The following PTPRD variants were observed in gnomAD, a reference collection of about 807,000 sequenced individuals.
The protein encoded by PTPRD is protein tyrosine phosphatase receptor type D.
A neutral mutation model predicts 214.5 loss-of-function variants in PTPRD; 34 were observed. The ratio of observed to expected loss-of-function variants is 0.16; its 90% CI spans 0.12 to 0.21. PTPRD has a LOEUF of 0.21. Ranked by LOEUF, PTPRD falls within the 10% of genes least tolerant of loss-of-function variation. The pLI is 1.00. For missense variants in PTPRD, 2,545 were observed against 2,398.7 expected, an observed-to-expected ratio of 1.06 and a Z score of -1.27; for synonymous variants, 1,128 against 845.7, an observed-to-expected ratio of 1.33 and a Z score of -5.79.
At chr9:9,083,573 G>A (rs2099762342) in intron 10 of PTPRD, among the ~76,000 whole-genome samples, 1 of 152,092 alleles carries the variant, frequency 6.6e-6, no homozygotes. Flanking sequence ...AAGCTAAAGA[G>A]CTTTTGCACA....
chr9:9,506,465 G>T (rs2096573669), intron 8 of PTPRD, among the ~76,000 whole-genome samples: 1 of 151,328 alleles, frequency 6.6e-6, no homozygotes, highest in African/African-American at 2.4e-5. Context: ...CTGCCTTTTT[G>T]TCCTTCCAGA....
Position 8,797,662 on chromosome 9 carries a change from G to T in PTPRD, c.-103-63716C>A, listed in dbSNP as rs1006877506. ...GCTCTATCTCATCCACCAACTACAT[G>T]TGATTTTCCTGTCACTGATCTCACC... On this transcript the variant is annotated intron_variant, in intron 11 of 45. Coordinates refer to ENST00000381196, the MANE Select transcript of PTPRD (RefSeq NM_002839.4). Among the ~76,000 whole-genome samples, 5 of 152,212 alleles carry T rather than the reference G, an allele frequency of 3.3e-5. No individual in the cohort carries two copies. The East Asian group carries it at 9.7e-4, about 29-fold the overall frequency.
chr9:8,438,275 C>G (rs1564811041), intron 34 of PTPRD, among the ~76,000 whole-genome samples: 1 of 152,140 alleles, frequency 6.6e-6, no homozygotes, highest in Non-Finnish European at 1.5e-5. Context: ...AAAAGCTACC[C>G]TGCTTTTTGA....
intron 11 of PTPRD, among the ~76,000 whole-genome samples, chr9:8,781,177 G>C (rs770720102): frequency 6.6e-6 from 1 of 152,138 alleles, no homozygotes; most frequent in Admixed American, 6.5e-5. Flanking sequence ...CAAGACTGAA[G>C]GAATGATACA....
intron 7 of PTPRD, among the ~76,000 whole-genome samples, chr9:9,628,944 C>A (rs910151732): frequency 1.3e-5 from 2 of 151,688 alleles, no homozygotes; most frequent in African/African-American, 2.4e-5. Flanking sequence ...GAGGCCGAGG[C>A]GGGCAGATCA....
At chr9:10,604,993 C>T (rs926064899) in intron 2 of PTPRD, among the ~76,000 whole-genome samples, 10 of 151,786 alleles carry the variant, frequency 6.6e-5, no homozygotes, top group Non-Finnish European at 1.0e-4. Flanking sequence ...ACTCTTCAAA[C>T]TTAAGTCATA....
chr9:8,908,474 C>T (rs1202603839), intron 11 of PTPRD, among the ~76,000 whole-genome samples: 1 of 151,890 alleles, frequency 6.6e-6, no homozygotes, highest in African/African-American at 2.4e-5. Flanking sequence ...AGAAATTAAA[C>T]AGCACATTTT....
intron 44 of PTPRD, among the ~76,000 whole-genome samples, chr9:8,328,052 C>T (rs1587664631): frequency 6.6e-6 from 1 of 152,106 alleles, no homozygotes; most frequent in South Asian, 2.1e-4. Context: ...TGAATTTGAT[C>T]CTGTCATTAT....
At chr9:9,844,325 C>T (rs1432225651) in intron 5 of PTPRD, among the ~76,000 whole-genome samples, 1 of 151,826 alleles carries the variant, frequency 6.6e-6, no homozygotes, top group African/African-American at 2.4e-5. Flanking sequence ...AGACATCATG[C>T]TAAGTGAAAT....
intron 3 of PTPRD, among the ~76,000 whole-genome samples, chr9:10,079,844 G>C (rs10511532): frequency 0.027 from 4,175 of 151,938 alleles, 190 homozygotes; most frequent in East Asian, 0.17. Flanking sequence ...TAAAGGATAT[G>C]AAGTGCACAT....
chr9:8,354,820 G>A (rs968785886), intron 39 of PTPRD, among the ~76,000 whole-genome samples: 4 of 152,150 alleles, frequency 2.6e-5, no homozygotes, highest in African/African-American at 9.7e-5. Flanking sequence ...TGGACCCAAG[G>A]TCCACGATTC....
chr9:8,754,124 G>A (rs977214403), intron 11 of PTPRD, among the ~76,000 whole-genome samples: 5 of 151,928 alleles, frequency 3.3e-5, no homozygotes, highest in Non-Finnish European at 5.9e-5. Flanking sequence ...CAGCCTGGGT[G>A]ACAGAGCGAG....
chr9:8,431,418 G>A (rs903628651), intron 35 of PTPRD, among the ~76,000 whole-genome samples: 4 of 152,042 alleles, frequency 2.6e-5, no homozygotes, highest in Non-Finnish European at 5.9e-5. Context: ...AGTTCTTAAT[G>A]TGTACCTTTA....
At chr9:9,943,029 G>T (rs916948427) in intron 4 of PTPRD, among the ~76,000 whole-genome samples, 1 of 151,812 alleles carries the variant, frequency 6.6e-6, no homozygotes, top group African/African-American at 2.4e-5. Context: ...GCACTAACTC[G>T]GGGCAAAAGC....
chr9:10,365,158 T>C (rs936054936), intron 2 of PTPRD, among the ~76,000 whole-genome samples: 1 of 152,208 alleles, frequency 6.6e-6, no homozygotes, highest in African/African-American at 2.4e-5. Flanking sequence ...GACTTTCTCA[T>C]GGCTCCCAGT....
At chr9:9,752,701 A>G (rs2098532481) in intron 6 of PTPRD, among the ~76,000 whole-genome samples, 5 of 151,990 alleles carry the variant, frequency 3.3e-5, no homozygotes, top group Admixed American at 3.3e-4. Context: ...TGCAGTGGGG[A>G]CGGAGGGCAA....
At chr9:8,686,053 G>T (rs2097674769) in intron 12 of PTPRD, among the ~76,000 whole-genome samples, 1 of 152,044 alleles carries the variant, frequency 6.6e-6, no homozygotes, top group Non-Finnish European at 1.5e-5. Flanking sequence ...CTCTCCTAAG[G>T]GAGTCAACAG....
chr9:9,657,592 A>G (rs546151099), intron 7 of PTPRD, among the ~76,000 whole-genome samples: 62 of 152,358 alleles, frequency 4.1e-4, no homozygotes, highest in African/African-American at 1.5e-3. Context: ...CCAGAACTTG[A>G]AATATAATAA....
intron 11 of PTPRD, among the ~76,000 whole-genome samples, chr9:9,017,283 G>A (rs2099539888): frequency 6.6e-6 from 1 of 152,056 alleles, no homozygotes; most frequent in Non-Finnish European, 1.5e-5. Context: ...AGGTCATCTT[G>A]CTGAATTTTT....
Sources: allele counts gnomAD v4.1 joint callset (sites outside exome capture counted in the v4.1 genomes callset), GRCh38; gene constraint gnomAD v4.1.1; transcripts MANE v1.5; gene names NCBI Gene and HGNC (gene_info 2026-07-23, HGNC 2026-07-21).